The following DCAF15 variants were observed in gnomAD, a reference collection of about 807,000 sequenced individuals.
The protein encoded by DCAF15 is DDB1- and CUL4-associated factor 15.
A neutral mutation model predicts 68.0 loss-of-function variants in DCAF15; 24 were observed. The ratio of observed to expected loss-of-function variants is 0.35; its 90% CI spans 0.26 to 0.50. DCAF15 has a LOEUF of 0.50. Ranked by LOEUF, DCAF15 falls within the 20% of genes least tolerant of loss-of-function variation. The pLI is 0.98. For synonymous variants in DCAF15, 376 were observed against 341.6 expected, an observed-to-expected ratio of 1.10 and a Z score of -1.11; for missense variants, 627 against 830.6, an observed-to-expected ratio of 0.75 and a Z score of 3.01.
chr19:13,958,380 G>C (rs550093142), intron 6 of DCAF15, among the ~76,000 whole-genome samples: 40 of 152,186 alleles, frequency 2.6e-4, no homozygotes, highest in Non-Finnish European at 5.1e-4. Flanking sequence ...ATTTTTCTCA[G>C]ATGTGACCTT....
At position 13,956,107 on chromosome 19, in the gene DCAF15, G is replaced by T; in HGVS notation, c.474-16G>T. Reference sequence around the variant, plus strand: ...CCAGGCGCCGACCAGGCAGCTGAGGGTATGCTGGCCCCCAGCACCCGCTCG... The same window carrying T: ...CCAGGCGCCGACCAGGCAGCTGAGGTTATGCTGGCCCCCAGCACCCGCTCG... On this transcript the variant is annotated splice_polypyrimidine_tract_variant and intron_variant, in intron 4 of 12. Transcript: ENST00000254337. 1 of 1,610,024 alleles carries T rather than the reference G, an allele frequency of 6.2e-7. No individual in the cohort carries two copies. The highest frequency in any genetic ancestry group is 8.5e-7 in the Non-Finnish European group (1 of 1,178,752).
chr19:13,956,529 C>A lies in DCAF15; in HGVS notation c.784+7C>A. Reference sequence around the variant, plus strand: ...GTCTCCGTCCACTCGGCAGGTAGGCCCTGCGGTCTCGTGGCCACCCGGCAA... The same window carrying A: ...GTCTCCGTCCACTCGGCAGGTAGGCACTGCGGTCTCGTGGCCACCCGGCAA... On this transcript the variant is annotated splice_region_variant and intron_variant, in intron 6 of 12. Transcript: ENST00000254337. 6.2e-7 allele frequency: 1 copy of A among 1,612,000 alleles called. No individual in the cohort carries two copies. Among genetic ancestry groups the A allele is most frequent in the Non-Finnish European group, 8.5e-7 (1 of 1,179,406 alleles).
At position 13,956,371 on chromosome 19, in the gene DCAF15, C is replaced by T. The variant is rs764341971; in HGVS notation, c.633C>T (p.Cys211=). The T allele has an allele frequency of 1.9e-6, 3 of 1,613,828 alleles. No individual in the cohort carries two copies. The Admixed American group carries it at 5.0e-5, about 27-fold the overall frequency. Residue 211 remains cysteine, a synonymous_variant, in exon 6 of 13, where the codon TGC becomes TGT. Coordinates refer to ENST00000254337, the MANE Select transcript of DCAF15 (RefSeq NM_138353.4). ...RAHPGDPNAQ[C]LRHGFMLHTK... ...CTACAGGAGACCCGAATGCACAGTG[C>T]CTACGGCATGGCTTCATGCTGCACA...
At chr19:13,953,320 C>G (rs139510753) in intron 1 of DCAF15, 33 of 573,090 alleles carry the variant, frequency 5.8e-5, no homozygotes, top group Non-Finnish European at 7.9e-5. Flanking sequence ...TGGGCAGTAA[C>G]TGGGGCAAGG....
In DCAF15 at chr19:13,961,188, T is replaced by A; in HGVS notation, c.*193T>A. 1 of 662,268 alleles carries A rather than the reference T, an allele frequency of 1.5e-6. No homozygotes were observed. Among genetic ancestry groups the A allele is most frequent in the Non-Finnish European group, 2.6e-6 (1 of 388,774 alleles). The allele number at this position is 662,268 out of a possible 1,614,324, so 41.0% of individuals were successfully genotyped here. A position where few individuals can be genotyped will look rare whatever the true frequency, so the allele number is the denominator to read the frequency against. On this transcript the variant is annotated 3_prime_UTR_variant, in exon 13 of 13. Coordinates refer to ENST00000254337, the MANE Select transcript of DCAF15 (RefSeq NM_138353.4). ...TGGACGCTTTTTATTTATGCCTATTTAAGTTGGGAAGGGGCAGAGAGAGGG... is the reference window on the plus strand; with the variant it reads ...TGGACGCTTTTTATTTATGCCTATTAAAGTTGGGAAGGGGCAGAGAGAGGG...
At chr19:13,959,014 C>A in intron 6 of DCAF15, 31 bp from the exon 7 acceptor site, 1 of 1,550,564 alleles carries the variant, frequency 6.4e-7, no homozygotes. Context: ...GCACCCCAGA[C>A]TGACACTTCT....
chr19:13,959,198 C>A lies in DCAF15; in HGVS notation c.938C>A (p.Pro313His), dbSNP rs981946316. The A allele has an allele frequency of 1.1e-5, 18 of 1,612,710 alleles. No individual in the cohort carries two copies. The highest frequency in any genetic ancestry group is 1.5e-5 in the Non-Finnish European group (18 of 1,179,914). ...GCCCGTTCTTCTGGGTCTCCTGAGC[C>A]CTCGCCCGCCATTGCCAAAGCCAAG... is the stretch of plus-strand genomic sequence containing the variant. ...APARSSGSPE[P>H]SPAIAKAKEF... The change falls in exon 7 of 13, where the codon CCC (proline) becomes CAC (histidine). Residue 313 changes from proline to histidine, a missense_variant. Coordinates refer to ENST00000254337, the MANE Select transcript of DCAF15 (RefSeq NM_138353.4).
chr19:13,960,561 C>G lies in DCAF15; in HGVS notation c.1728C>G (p.Thr576=), dbSNP rs1296567404. The change falls in exon 12 of 13, where the codon ACC becomes ACG. Residue 576 remains threonine (T), a synonymous_variant. Coordinates refer to ENST00000254337, the MANE Select transcript of DCAF15 (RefSeq NM_138353.4). The part of the protein sequence containing the change: ...ESSGRYVNRM[T]NEALHKGCSL... ...GCGGCCGCTACGTCAACAGGATGAC[C>G]AATGAGGCGCTGCACAAAGGTGGGG... The G allele has an allele frequency of 1.9e-6, 3 of 1,593,550 alleles. No individual in the cohort carries two copies. The Admixed American group carries it at 5.4e-5, about 29-fold the overall frequency.
intron 6 of DCAF15, 53 bp from the exon 7 acceptor site, chr19:13,958,992 G>T (rs1204870991): frequency 7.9e-6 from 12 of 1,527,934 alleles, no homozygotes; most frequent in Non-Finnish European, 9.6e-6. Context: ...GGGACACTGA[G>T]CGAGGCTGGG....
In DCAF15 at chr19:13,961,090, C is replaced by T. The variant is rs954498830; in HGVS notation, c.*95C>T. The T allele has an allele frequency of 1.7e-5, 25 of 1,441,592 alleles. No individual in the cohort carries two copies. The highest frequency in any genetic ancestry group is 2.3e-5 in the Non-Finnish European group (24 of 1,040,368). The allele number at this position is 1,441,592 out of a possible 1,614,324, so 89.3% of individuals were successfully genotyped here. A position where few individuals can be genotyped will look rare whatever the true frequency, so the allele number is the denominator to read the frequency against. On this transcript the variant is annotated 3_prime_UTR_variant, in exon 13 of 13. Coordinates refer to ENST00000254337, the MANE Select transcript of DCAF15 (RefSeq NM_138353.4). ...GCCTCTTCCTGGCCGGCTGGCCCAC[C>T]GACTGATGACCGGCACTAGTGTTAG...
intron 1 of DCAF15, among the ~76,000 whole-genome samples, chr19:13,953,688 C>T (rs966215892): frequency 2.0e-5 from 3 of 152,160 alleles, no homozygotes; most frequent in African/African-American, 4.8e-5. Context: ...TGAGGCTGTT[C>T]GGATATCCCT....
At chr19:13,952,934 C>CA in intron 1 of DCAF15, 4 of 875,278 alleles carry the variant, frequency 4.6e-6, no homozygotes, top group Non-Finnish European at 6.8e-6. Context: ...ACCCCAGAGG[C>CA]CGCAGGGAGA....
At chr19:13,952,964 T>G in intron 1 of DCAF15, 1 of 969,142 alleles carries the variant, frequency 1.0e-6, no homozygotes, top group African/African-American at 1.7e-5. Flanking sequence ...AAGGGGGCGA[T>G]CCAGGCTTTT....
At chr19:13,953,090 G>T (rs750691439) in intron 1 of DCAF15, 2 of 1,550,478 alleles carry the variant, frequency 1.3e-6, no homozygotes, top group Non-Finnish European at 8.7e-7. Context: ...CCCAAGCCCC[G>T]ACCACACATG....
Position 13,959,893 on chromosome 19 carries a change from G to T in DCAF15, c.1438G>T (p.Glu480Ter). ...CAGCGACTATGACATCGTCATTCTG[G>T]AGGTGGGCCCAGGGCGGGCAGGGTG... ...SFSDYDIVIL[E>*]VCPETNQVLI... The change falls in exon 9 of 13, where the codon GAG becomes TAG. Residue 480 changes from glutamate to a stop codon, truncating the protein, a stop_gained and splice_region_variant. Coordinates refer to ENST00000254337, the MANE Select transcript of DCAF15 (RefSeq NM_138353.4). LOFTEE classifies it high-confidence loss of function. 1 of 1,010,360 alleles carries T rather than the reference G, an allele frequency of 9.9e-7. No homozygotes were observed. Among genetic ancestry groups the T allele is most frequent in the Non-Finnish European group, 1.4e-6 (1 of 720,466 alleles). The allele number at this position is 1,010,360 out of a possible 1,614,324, so 62.6% of individuals were successfully genotyped here.
intron 6 of DCAF15, 44 bp downstream of exon 6, chr19:13,956,566 G>A: frequency 6.2e-7 from 1 of 1,601,442 alleles, no homozygotes; most frequent in Non-Finnish European, 8.5e-7. Flanking sequence ...GCGTGAAGCG[G>A]GTCCTCTCCC....
Position 13,960,997 on chromosome 19 carries a change from G to A in DCAF15, c.*2G>A, listed in dbSNP as rs1212730820. On this transcript the variant is annotated 3_prime_UTR_variant, in exon 13 of 13. Coordinates refer to ENST00000254337, the MANE Select transcript of DCAF15 (RefSeq NM_138353.4). Reference sequence around the variant, plus strand: ...CGATATACGTGGATCGTGCTGTGAGGGCCAGGCCGCCCCGGACACTGACTC... The same window carrying A: ...CGATATACGTGGATCGTGCTGTGAGAGCCAGGCCGCCCCGGACACTGACTC... 4 of 1,613,708 alleles carry A rather than the reference G, an allele frequency of 2.5e-6. No individual in the cohort carries two copies. The highest frequency in any genetic ancestry group is 3.4e-6 in the Non-Finnish European group (4 of 1,180,018).
In DCAF15 at chr19:13,955,990, G is replaced by T. The variant is rs199786973; in HGVS notation, c.445G>T (p.Ala149Ser). 1 of 1,613,780 alleles carries T rather than the reference G, an allele frequency of 6.2e-7. No individual in the cohort carries two copies. The highest frequency in any genetic ancestry group is 1.1e-5 in the South Asian group (1 of 91,080). The change falls in exon 4 of 13, where the codon GCC becomes TCC. Residue 149 changes from alanine (A) to serine (S), a missense_variant. Ala to Ser is a moderately conservative substitution (Grantham distance 99). Coordinates refer to ENST00000254337, the MANE Select transcript of DCAF15 (RefSeq NM_138353.4). ...GACCGTATGCGAGTGGCCCAGCGAC[G>T]CCTCCAAGGTCATCGTCTTCGGCTT... ...YLTVCEWPSDASKVIVFGFNT... is the reference protein window; with the variant it reads ...YLTVCEWPSDSSKVIVFGFNT...
chr19:13,956,305 C>T (rs369076815), intron 5 of DCAF15, 43 bp downstream of exon 5: 46 of 1,611,732 alleles, frequency 2.9e-5, no homozygotes, highest in Middle Eastern at 1.6e-4. Flanking sequence ...CCCCTCCCCC[C>T]CTTGCTCCGG....
Sources: gnomAD v4.1 joint callset for allele counts (sites outside exome capture counted in the v4.1 genomes callset) on GRCh38, gnomAD v4.1.1 for gene constraint, MANE v1.5 for transcripts, NCBI Gene and HGNC (gene_info 2026-07-23, HGNC 2026-07-21) for gene names.